The following NDEL1 variants were observed in gnomAD, a reference collection of about 807,000 sequenced individuals.
NDEL1 encodes nuclear distribution protein nudE-like 1.
In NDEL1, 9 loss-of-function variants were observed where a neutral mutation model predicts 45.7. That is an observed-to-expected ratio of 0.20 (90% CI 0.12 to 0.34). The LOEUF is 0.34. Among genes scored for constraint, NDEL1 ranks in the 10% least tolerant of loss-of-function variants. NDEL1 has a pLI of 1.00. For missense variants in NDEL1, 306 were observed against 406.2 expected (o/e 0.75, Z 2.12); for synonymous variants, 133 against 158.6 (o/e 0.84, Z 1.21).
chr17:8,457,595 C>G (rs1336354805), intron 7 of NDEL1, among the ~76,000 whole-genome samples: 2 of 152,220 alleles, frequency 1.3e-5, no homozygotes, highest in Non-Finnish European at 2.9e-5. Context: ...ACTGGAAGCC[C>G]TTCTCCACTC....
rs191458581 is a variant in NDEL1 at position 8,422,420 on chromosome 17, T to A, written c.-13+9151T>A. Among the ~76,000 whole-genome samples the A allele has an allele frequency of 6.6e-4, 100 of 151,388 alleles. 1 individual carries two copies. Among genetic ancestry groups the A allele is most frequent in the African/African-American group, 2.4e-3 (97 of 41,266 alleles). On this transcript the variant is annotated intron_variant, in intron 1 of 4. Transcript: ENST00000582812. ...GCCTCCTGGGTTCAGGTGATTCTCC[T>A]GCCTCAGCCTCCCAAGCAGCTGGGA...
At position 8,460,150 on chromosome 17, in the gene NDEL1, T is replaced by G; in HGVS notation, c.934T>G (p.Phe312Val). The change falls in exon 8 of 9, where the codon TTC becomes GTC. Residue 312 changes from phenylalanine to valine, a missense_variant. Around this residue, in one of 3 missense-constraint regions of NDEL1, gnomAD observed 175 missense variants for 205.2 expected, o/e 0.85. Transcript: ENST00000334527. Reference sequence around the variant, plus strand: ...CTCTCGATCAGGGCATACATCTTTCTTCGACAAAGGGTAAGTCCTGAATGT... The same window carrying G: ...CTCTCGATCAGGGCATACATCTTTCGTCGACAAAGGGTAAGTCCTGAATGT... ...KFSRSGHTSF[F>V]DKGAVNGFDP... is the part of the protein sequence containing the mutation. 11 of 1,612,674 alleles carry G rather than the reference T, an allele frequency of 6.8e-6. No homozygotes were observed. Among genetic ancestry groups the G allele is most frequent in the Non-Finnish European group, 9.3e-6 (11 of 1,179,540 alleles).
chr17:8,445,553 A>AAT (rs2151716935), intron 2 of NDEL1, among the ~76,000 whole-genome samples, 158 bp from the exon 3 acceptor site: 1 of 152,320 alleles, frequency 6.6e-6, no homozygotes, highest in African/African-American at 2.4e-5. Flanking sequence ...TTGAACCCTG[A>AAT]ATATATACAG....
intron 1 of NDEL1, among the ~76,000 whole-genome samples, chr17:8,428,965 G>A (rs113062331): frequency 0.029 from 4,457 of 152,210 alleles, 79 homozygotes; most frequent in African/African-American, 0.047. Flanking sequence ...GAGCCACCGC[G>A]CCCGGCCTAT....
chr17:8,425,015 C>G (rs1463661762), intron 1 of NDEL1, among the ~76,000 whole-genome samples: 2 of 152,190 alleles, frequency 1.3e-5, no homozygotes, highest in Non-Finnish European at 2.9e-5. Context: ...AACTGCTTAC[C>G]AAGAACTGTG....
intron 8 of NDEL1, among the ~76,000 whole-genome samples, chr17:8,463,627 T>C (rs889986284): frequency 2.6e-5 from 4 of 152,184 alleles, no homozygotes; most frequent in African/African-American, 9.7e-5. Flanking sequence ...GCTAGGGCGC[T>C]GTAGTGTTGA....
downstream of NDEL1, among the ~76,000 whole-genome samples, chr17:8,472,811 C>G (rs778865623): frequency 1.3e-5 from 2 of 152,190 alleles, no homozygotes; most frequent in Non-Finnish European, 2.9e-5. Context: ...AAACGAAGCC[C>G]CGGCACTGCC....
chr17:8,431,458 G>A (rs1908996875), upstream of NDEL1: 1 of 152,264 alleles, frequency 6.6e-6, no homozygotes. Flanking sequence ...TCATTGTGAG[G>A]ACTGAGGGAG....
intron 1 of NDEL1, among the ~76,000 whole-genome samples, chr17:8,421,293 C>T (rs1908699237): frequency 6.6e-6 from 1 of 152,212 alleles, no homozygotes; most frequent in South Asian, 2.1e-4. Flanking sequence ...TCCTAATCCC[C>T]AGAACCTGTA....
intron 6 of NDEL1, among the ~76,000 whole-genome samples, chr17:8,452,354 T>C (rs1910558747): frequency 1.3e-5 from 2 of 152,236 alleles, no homozygotes; most frequent in Non-Finnish European, 2.9e-5. Context: ...TTTTTTTTAA[T>C]AGCCCGTTAG....
At chr17:8,471,148 T>TTG (rs1911824943), downstream of NDEL1, among the ~76,000 whole-genome samples, 1 of 152,014 alleles carries the variant, frequency 6.6e-6, no homozygotes, top group Non-Finnish European at 1.5e-5. Flanking sequence ...CTGCAAGTTT[T>TTG]TTGTTGTTGT....
At chr17:8,442,689 A>ATT (rs58152673) in intron 1 of NDEL1, among the ~76,000 whole-genome samples, 122 of 130,468 alleles carry the variant, frequency 9.4e-4, no homozygotes, top group African/African-American at 1.8e-3. Context: ...CTTTAAAAAG[A>ATT]TTTTTTTTTT....
At chr17:8,418,220 T>C (rs1464946801) in intron 1 of NDEL1, among the ~76,000 whole-genome samples, 3 of 152,210 alleles carry the variant, frequency 2.0e-5, no homozygotes, top group Non-Finnish European at 2.9e-5. Flanking sequence ...GTTTATACCT[T>C]TTAAAATTTT....
Position 8,436,006 on chromosome 17 carries a change from G to T in NDEL1, c.-52G>T, listed in dbSNP as rs1391857584. 2.2e-6 allele frequency: 1 copy of T among 447,976 alleles called. No homozygotes were observed. Among genetic ancestry groups the T allele is most frequent in the Admixed American group, 2.4e-5 (1 of 42,094 alleles). The allele number at this position is 447,976 out of a possible 1,614,324, so 27.8% of individuals were successfully genotyped here. On this transcript the variant is annotated 5_prime_UTR_variant, in exon 1 of 9. Transcript: ENST00000334527. ...GCCGGGCCGGCGGAGGGGAGACGTC[G>T]GTTGAGCGGCGGCGAACATGCGCTT...
At chr17:8,427,024 A>G (rs550031921) in intron 1 of NDEL1, among the ~76,000 whole-genome samples, 35 of 152,362 alleles carry the variant, frequency 2.3e-4, no homozygotes, top group African/African-American at 7.9e-4. Context: ...GCCAAGGGCC[A>G]GAAGCAGGCC....
intron 1 of NDEL1, among the ~76,000 whole-genome samples, chr17:8,427,147 A>C (rs1402309890): frequency 6.6e-6 from 1 of 152,206 alleles, no homozygotes; most frequent in Non-Finnish European, 1.5e-5. Context: ...ACTTACAGCC[A>C]ACTGGAGTTT....
chr17:8,454,162 C>T (rs1034074100), intron 6 of NDEL1, among the ~76,000 whole-genome samples: 14 of 151,772 alleles, frequency 9.2e-5, no homozygotes, highest in African/African-American at 2.9e-4. Context: ...GTTCTCCTAC[C>T]GAAACACAGT....
chr17:8,435,966 G>C lies in NDEL1; in HGVS notation c.-92G>C. 1 of 446,556 alleles carries C rather than the reference G, an allele frequency of 2.2e-6. No individual in the cohort carries two copies. The highest frequency in any genetic ancestry group is 1.6e-5 in the South Asian group (1 of 63,736). 27.7% of individuals were successfully genotyped at this position (446,556 alleles called of 1,614,324 possible). A position where few individuals can be genotyped will look rare whatever the true frequency, so the allele number is the denominator to read the frequency against. On this transcript the variant is annotated 5_prime_UTR_variant, in exon 1 of 9. Transcript: ENST00000334527. ...GCTGCGTAGGGGAGCTGAGCCGAGCGGCTGGGCGGGCCTGGCCGGGCCGGC... is the reference window on the plus strand; with the variant it reads ...GCTGCGTAGGGGAGCTGAGCCGAGCCGCTGGGCGGGCCTGGCCGGGCCGGC...
intron 1 of NDEL1, among the ~76,000 whole-genome samples, chr17:8,417,554 C>G (rs1037812668): frequency 6.6e-6 from 1 of 152,102 alleles, no homozygotes; most frequent in Admixed American, 6.6e-5. Context: ...TGTGTCTGTG[C>G]GTGTGTCTGT....
Sources: gnomAD v4.1 joint callset for allele counts (sites outside exome capture counted in the v4.1 genomes callset) on GRCh38, gnomAD v4.1.1 for gene constraint, gnomAD v4.1.1 regional missense constraint, MANE v1.5 for transcripts, NCBI Gene and HGNC (gene_info 2026-07-23, HGNC 2026-07-21) for gene names.